ARPC1A: variants seen among roughly 807,000 people sequenced by gnomAD.
The protein encoded by ARPC1A is actin related protein 2/3 complex subunit 1A.
Under a neutral mutation model 46.9 loss-of-function variants are expected in ARPC1A, and 8 were observed. The ratio of observed to expected loss-of-function variants is 0.17; its 90% confidence interval spans 0.10 to 0.31. The LOEUF (loss-of-function observed/expected upper bound fraction) is 0.31. ARPC1A is among the 10% of genes least tolerant of loss of function. ARPC1A has a pLI of 1.00. For missense variants in ARPC1A, 286 were observed against 483.6 expected, an observed-to-expected ratio of 0.59 and a Z score of 3.83; for synonymous variants, 152 against 169.0, an observed-to-expected ratio of 0.90 and a Z score of 0.78.
At chr7:99,343,420 C>T (rs755193340) in intron 3 of ARPC1A, among the ~76,000 whole-genome samples, 3 of 149,040 alleles carry the variant, frequency 2.0e-5, no homozygotes, top group Non-Finnish European at 3.0e-5. Context: ...GAGCTGAGAT[C>T]GTGCCATTGT....
intron 4 of ARPC1A, among the ~76,000 whole-genome samples, chr7:99,345,807 T>C (rs1235518141): frequency 6.6e-6 from 1 of 152,196 alleles, no homozygotes; most frequent in Admixed American, 6.6e-5. Context: ...TGTAGCTGTT[T>C]TGTTATTTGT....
At chr7:99,329,395 G>A (rs1793107643) in intron 1 of ARPC1A, among the ~76,000 whole-genome samples, 1 of 151,972 alleles carries the variant, frequency 6.6e-6, no homozygotes, top group African/African-American at 2.4e-5. Context: ...TTAAGACAAA[G>A]CTTTTCAGAT....
At chr7:99,336,858 A>C (rs1362289458) in intron 2 of ARPC1A, among the ~76,000 whole-genome samples, 1 of 152,184 alleles carries the variant, frequency 6.6e-6, no homozygotes, top group Non-Finnish European at 1.5e-5. Flanking sequence ...ATCGTGGCTC[A>C]TGCCTGTAAT....
At chr7:99,328,932 CAG>C (rs1318987353) in intron 1 of ARPC1A, among the ~76,000 whole-genome samples, 1 of 147,968 alleles carries the variant, frequency 6.8e-6, no homozygotes. Context: ...GCCTGGGTGA[CAG>C]AGCAAGACCT....
At chr7:99,365,092 G>A (rs1331765582) in intron 9 of ARPC1A, among the ~76,000 whole-genome samples, 2 of 152,154 alleles carry the variant, frequency 1.3e-5, no homozygotes, top group African/African-American at 2.4e-5. Context: ...TTCAGAGAGC[G>A]CACACTGCCT....
intron 4 of ARPC1A, among the ~76,000 whole-genome samples, chr7:99,345,457 T>A (rs1793429958): frequency 6.6e-6 from 1 of 152,120 alleles, no homozygotes; most frequent in South Asian, 2.1e-4. Context: ...AGGAAACAAT[T>A]ATTCTCCAGC....
intron 5 of ARPC1A, 36 bp from the exon 6 acceptor site, chr7:99,353,873 A>G (rs777310087): frequency 6.3e-7 from 1 of 1,593,080 alleles, no homozygotes; most frequent in South Asian, 1.1e-5. Context: ...ATATATTTTC[A>G]TTTGCTTTTT....
At chr7:99,354,823 A>G (rs1366229630) in intron 6 of ARPC1A, among the ~76,000 whole-genome samples, 2 of 152,078 alleles carry the variant, frequency 1.3e-5, no homozygotes, top group African/African-American at 4.8e-5. Context: ...CTCTAATAAA[A>G]ATACAAAAAT....
rs761938418 is a variant in ARPC1A, at chr7:99,338,235, G to A, written c.119G>A (p.Ser40Asn). Residue 40 changes from serine to asparagine, a missense_variant, in exon 3 of 10, where the codon AGC (serine) becomes AAC (asparagine). Physicochemically the swap from Ser to Asn is conservative, Grantham distance 46. Coordinates refer to ENST00000262942, the MANE Select transcript of ARPC1A (RefSeq NM_006409.4). ...GTGCACATCTATAAGAAGAACGGGA[G>A]CCAGTGGGTGAAAGCTCATGAACTC... ...HEVHIYKKNG[S>N]QWVKAHELKE... The A allele has an allele frequency of 5.6e-6, 9 of 1,613,546 alleles. No individual in the cohort carries two copies. In the South Asian group the frequency reaches 8.8e-5, roughly 16 times the overall value.
At chr7:99,348,467 G>A (rs1369669043) in intron 4 of ARPC1A, among the ~76,000 whole-genome samples, 2 of 152,126 alleles carry the variant, frequency 1.3e-5, no homozygotes, top group Non-Finnish European at 2.9e-5. Flanking sequence ...AGCACTTTGG[G>A]AGGCTGAGGC....
intron 6 of ARPC1A, among the ~76,000 whole-genome samples, chr7:99,354,587 C>T (rs1006243421): frequency 6.6e-6 from 1 of 151,582 alleles, no homozygotes; most frequent in African/African-American, 2.4e-5. Context: ...GTGGCTCACG[C>T]CTATAATCCT....
At chr7:99,345,402 A>C (rs535873728) in intron 4 of ARPC1A, among the ~76,000 whole-genome samples, 86 of 152,254 alleles carry the variant, frequency 5.6e-4, no homozygotes, top group African/African-American at 2.0e-3. Context: ...GGTTTATTTT[A>C]TGGCCAAAAC....
Position 99,353,959 on chromosome 7 carries a change from C to G in ARPC1A, c.551C>G (p.Pro184Arg). ...GTGGATGAAAAGCCAGCCAGCACGC[C>G]CTGGGGCAGCAAGATGCCTTTTGGG... The part of the protein sequence containing the change: ...KEVDEKPAST[P>R]WGSKMPFGQL... The change falls in exon 6 of 10, where the codon CCC becomes CGC. Residue 184 changes from proline to arginine, a missense_variant. By Grantham distance (103) the Pro-to-Arg change is moderately radical. Transcript: ENST00000262942. The G allele has an allele frequency of 6.2e-7, 1 of 1,613,984 alleles. No individual in the cohort carries two copies. The highest frequency in any genetic ancestry group is 1.1e-5 in the South Asian group (1 of 91,078).
At chr7:99,353,827 C>T (rs1793587097) in intron 5 of ARPC1A, 82 bp from the exon 6 acceptor site, 2 of 1,353,078 alleles carry the variant, frequency 1.5e-6, no homozygotes, top group Admixed American at 3.9e-5. Context: ...TTCTGAGATT[C>T]CTTGTGGCAG....
intron 8 of ARPC1A, among the ~76,000 whole-genome samples, chr7:99,362,293 C>T (rs928305430): frequency 6.8e-6 from 1 of 147,232 alleles, no homozygotes. Flanking sequence ...GACTCCATCT[C>T]AATAAATAAA....
intron 5 of ARPC1A, among the ~76,000 whole-genome samples, chr7:99,349,788 C>T (rs1339244078): frequency 2.6e-5 from 4 of 151,624 alleles, no homozygotes; most frequent in East Asian, 2.0e-4. Context: ...TGCAGTGAGC[C>T]GAGATCACAC....
chr7:99,330,391 T>G (rs951008532), intron 1 of ARPC1A, among the ~76,000 whole-genome samples: 3 of 151,434 alleles, frequency 2.0e-5, no homozygotes, highest in African/African-American at 7.3e-5. Context: ...CTTGGCTCAC[T>G]GCAACCTCCG....
chr7:99,365,853 T>C, intron 9 of ARPC1A, 38 bp from the exon 10 acceptor site: 1 of 1,553,172 alleles, frequency 6.4e-7, no homozygotes, highest in Non-Finnish European at 8.7e-7. Flanking sequence ...GGGTAGACAC[T>C]CCTCAGTGAC....
intron 1 of ARPC1A, among the ~76,000 whole-genome samples, chr7:99,328,107 A>G (rs1793080667): frequency 6.6e-6 from 1 of 152,222 alleles, no homozygotes; most frequent in Non-Finnish European, 1.5e-5. Flanking sequence ...GCAGTGGCTC[A>G]CGCCTGTAAT....
Sources: gnomAD v4.1 joint callset for allele counts (sites outside exome capture counted in the v4.1 genomes callset) on GRCh38, gnomAD v4.1.1 for gene constraint, MANE v1.5 for transcripts, NCBI Gene and HGNC (gene_info 2026-07-23, HGNC 2026-07-21) for gene names.